Variants in PRKAR1A observed in about 807,000 individuals in gnomAD.
PRKAR1A encodes protein kinase cAMP-dependent type I regulatory subunit alpha.
In PRKAR1A, 3 loss-of-function variants were observed where a neutral mutation model predicts 52.0. The observed-to-expected ratio is 0.06, with a 90% CI of 0.03 to 0.15. PRKAR1A has a LOEUF of 0.15. Among genes scored for constraint, PRKAR1A ranks in the 10% least tolerant of loss-of-function variants. PRKAR1A has a pLI of 1.00. For missense variants in PRKAR1A, 240 were observed against 477.4 expected, an observed-to-expected ratio of 0.50 and a Z score of 4.63; for synonymous variants, 188 against 168.4, an observed-to-expected ratio of 1.12 and a Z score of -0.90.
At position 68,540,695 on chromosome 17, in the gene PRKAR1A, G is replaced by A. The variant is rs1450712043; in HGVS notation, c.974-10389G>A. On this transcript the variant is annotated intron_variant, in intron 11 of 11. Transcript: ENST00000585981. Reference sequence around the variant, plus strand: ...AAGAGAGGGGAGCCTGTTACCTTCTGTCCTCTGGGACCTCCGCCACTTCTG... The same window carrying A: ...AAGAGAGGGGAGCCTGTTACCTTCTATCCTCTGGGACCTCCGCCACTTCTG... 4.3e-6 allele frequency: 4 copies of A among 932,356 alleles called. No individual in the cohort carries two copies. The African/African-American group carries it at 4.9e-5, about 11-fold the overall frequency. The allele number at this position is 932,356 out of a possible 1,614,324, so 57.8% of individuals were successfully genotyped here. A position where few individuals can be genotyped will look rare whatever the true frequency, so the allele number is the denominator to read the frequency against.
Position 68,533,175 on chromosome 17 carries a change from T to C in PRKAR1A, c.*2726T>C. ...CTTAGGGATACTTTTATATTTTGCA[T>C]ATATAAAGCCTCATATATAAAGCCT... is the stretch of plus-strand genomic sequence containing the variant. On this transcript the variant is annotated 3_prime_UTR_variant, in exon 11 of 11. Transcript: ENST00000589228. 9.5e-7 allele frequency: 1 copy of C among 1,049,952 alleles called. No homozygotes were observed. Among genetic ancestry groups the C allele is most frequent in the Non-Finnish European group, 1.2e-6 (1 of 865,610 alleles). The allele number at this position is 1,049,952 out of a possible 1,614,324, so 65.0% of individuals were successfully genotyped here.
At chr17:68,458,261 T>TCA in the PRKAR1A span, among the ~76,000 whole-genome samples, 5 of 152,188 alleles carry the variant, frequency 3.3e-5, no homozygotes, top group African/African-American at 1.2e-4. Flanking sequence ...ACGATTGTGC[T>TCA]CAATATACAG....
At chr17:68,431,192 A>T in the PRKAR1A span, among the ~76,000 whole-genome samples, 58 of 152,304 alleles carry the variant, frequency 3.8e-4, no homozygotes, top group Non-Finnish European at 7.9e-4. Context: ...AGCAGTTAAT[A>T]TGCGGTGCTG....
chr17:68,456,202 C>T, the PRKAR1A span, among the ~76,000 whole-genome samples: 1 of 152,138 alleles, frequency 6.6e-6, no homozygotes, highest in African/African-American at 2.4e-5. Flanking sequence ...TAGAGCTACT[C>T]GATTACATGA....
the PRKAR1A span, among the ~76,000 whole-genome samples, chr17:68,487,409 T>A: frequency 6.6e-6 from 1 of 152,330 alleles, no homozygotes; most frequent in Non-Finnish European, 1.5e-5. Flanking sequence ...CTATGGTATA[T>A]ATTGAGAGGC....
At chr17:68,431,737 G>A in the PRKAR1A span, among the ~76,000 whole-genome samples, 9 of 152,284 alleles carry the variant, frequency 5.9e-5, no homozygotes, top group African/African-American at 1.7e-4. Flanking sequence ...CGTGTGAGCC[G>A]TAACCGCCGG....
At chr17:68,525,007 T>G in intron 6 of PRKAR1A, 49 bp downstream of exon 6, 1 of 1,452,740 alleles carries the variant, frequency 6.9e-7, no homozygotes, top group Non-Finnish European at 9.7e-7. Context: ...AGCCAATGTA[T>G]TGATCGCTTC....
At chr17:68,445,910 T>C in the PRKAR1A span, among the ~76,000 whole-genome samples, 2 of 152,156 alleles carry the variant, frequency 1.3e-5, no homozygotes, top group African/African-American at 4.8e-5. Context: ...CCCTGGGCTC[T>C]CCCCGGAGAT....
chr17:68,427,344 G>GTGC, the PRKAR1A span: 1 of 962,004 alleles, frequency 1.0e-6, no homozygotes, highest in Non-Finnish European at 1.6e-6. Context: ...AGAAGCCTGT[G>GTGC]CTCAGCTCTG....
chr17:68,446,599 T>C, the PRKAR1A span, among the ~76,000 whole-genome samples: 1 of 152,224 alleles, frequency 6.6e-6, no homozygotes, highest in South Asian at 2.1e-4. Context: ...TGTGAAATAT[T>C]CTCTGACTTA....
chr17:68,548,630 G>A (rs552003433), intron 11 of PRKAR1A, among the ~76,000 whole-genome samples: 2 of 151,782 alleles, frequency 1.3e-5, no homozygotes, highest in African/African-American at 4.8e-5. Context: ...AGACTTGCTT[G>A]ATGCAGGGTT....
intron 2 of PRKAR1A, among the ~76,000 whole-genome samples, chr17:68,521,532 T>C (rs997258103): frequency 6.6e-6 from 1 of 152,270 alleles, no homozygotes; most frequent in African/African-American, 2.4e-5. Flanking sequence ...TACCCAGTCA[T>C]GTATTCTTAA....
chr17:68,537,688 C>T, downstream of PRKAR1A: 1 of 1,613,610 alleles, frequency 6.2e-7, no homozygotes, highest in Non-Finnish European at 8.5e-7. This position sits in a 1 kb window ranked among gnomAD's most constrained non-coding sequence, Gnocchi z 4.2. Context: ...ATCGCTGAGT[C>T]TGTAGTCAGC....
At chr17:68,502,615 G>A in the PRKAR1A span, among the ~76,000 whole-genome samples, 6 of 152,026 alleles carry the variant, frequency 3.9e-5, no homozygotes, top group Non-Finnish European at 8.8e-5. Flanking sequence ...AGCCAAGGTT[G>A]GTGGTGGGCG....
chr17:68,465,758 C>T, the PRKAR1A span, among the ~76,000 whole-genome samples: 1 of 150,492 alleles, frequency 6.6e-6, no homozygotes, highest in African/African-American at 2.4e-5. Flanking sequence ...CATGAGCCAT[C>T]GCGCCCGGCC....
chr17:68,523,902 C>T (rs2085697602), intron 4 of PRKAR1A, 86 bp downstream of exon 4: 16 of 1,572,610 alleles, frequency 1.0e-5, no homozygotes, highest in Admixed American at 3.3e-5. Flanking sequence ...AGTTTTAGAG[C>T]TCTTAGTAAT....
the PRKAR1A span, chr17:68,451,012 C>T: frequency 9.4e-6 from 13 of 1,388,558 alleles, no homozygotes; most frequent in Non-Finnish European, 1.2e-5. Flanking sequence ...CCGGGTCTTG[C>T]CGGCCAGGCG....
the PRKAR1A span, chr17:68,429,952 G>A: frequency 1.2e-6 from 2 of 1,609,414 alleles, no homozygotes; most frequent in Non-Finnish European, 8.5e-7. Context: ...AAAATACATT[G>A]ACGAAAGTGT....
At chr17:68,455,154 G>GAT in the PRKAR1A span, among the ~76,000 whole-genome samples, 1 of 152,082 alleles carries the variant, frequency 6.6e-6, no homozygotes, top group Non-Finnish European at 1.5e-5. Flanking sequence ...TTGAGGTCAG[G>GAT]AGTTCAAGAC....
Sources: allele counts gnomAD v4.1 joint callset (sites outside exome capture counted in the v4.1 genomes callset), GRCh38; gene constraint gnomAD v4.1.1; non-coding constraint Gnocchi (gnomAD v3.1); transcripts MANE v1.5; gene names NCBI Gene and HGNC (gene_info 2026-07-23, HGNC 2026-07-21).